The following PCNX1 variants were observed in gnomAD, a reference collection of about 807,000 sequenced individuals.
PCNX1 encodes pecanex 1, also known as pecanex-like protein 1.
A neutral mutation model predicts 242.2 loss-of-function variants in PCNX1; 78 were observed. That is an observed-to-expected ratio of 0.32 (90% confidence interval 0.27 to 0.39). The LOEUF (loss-of-function observed/expected upper bound fraction) is 0.39. Among genes scored for constraint, PCNX1 ranks in the 10% least tolerant of loss-of-function variants. The probability of loss-of-function intolerance (pLI) is 1.00; values close to 1 mark genes in which losing one functional copy is unlikely to be tolerated. For synonymous variants in PCNX1, 1,024 were observed against 1,032.9 expected (o/e 0.99, Z 0.17); for missense variants, 2,581 against 2,856.5 (o/e 0.90, Z 2.20).
chr14:71,016,962 A>ATC (rs2059975986), intron 11 of PCNX1, among the ~76,000 whole-genome samples: 1 of 152,208 alleles, frequency 6.6e-6, no homozygotes, highest in Non-Finnish European at 1.5e-5. Context: ...CAAATAGCTA[A>ATC]AGGCTAAACC....
In PCNX1 at chr14:70,908,012, G is replaced by T. The variant is rs1257863208; in HGVS notation, c.153+9G>T. ...CCTTCACCCTCTACATGGTGAGTGTGGGGGCGGGGAGCGGGTGGCTCCTTC... is the reference window on the plus strand; with the variant it reads ...CCTTCACCCTCTACATGGTGAGTGTTGGGGCGGGGAGCGGGTGGCTCCTTC... On this transcript the variant is annotated intron_variant, in intron 1 of 35. Coordinates refer to ENST00000304743, the MANE Select transcript of PCNX1 (RefSeq NM_014982.3). 2 of 1,569,538 alleles carry T rather than the reference G, an allele frequency of 1.3e-6. No homozygotes were observed. The highest frequency in any genetic ancestry group is 1.7e-6 in the Non-Finnish European group (2 of 1,161,148).
In PCNX1 at chr14:71,108,638, C is replaced by T; in HGVS notation, c.6336C>T (p.Gly2112=). The change falls in exon 34 of 36, where the codon GGC becomes GGT. Residue 2112 remains glycine (G), a synonymous_variant. Coordinates refer to ENST00000304743, the MANE Select transcript of PCNX1 (RefSeq NM_014982.3). ...TSHSSHSVQS[G]LVRQSPARAS... ...ACAGCTCTCACTCTGTGCAGTCGGG[C>T]CTGGTCAGACAGTCTCCTGCCCGGG... 3 of 1,613,796 alleles carry T rather than the reference C, an allele frequency of 1.9e-6. No homozygotes were observed. Among genetic ancestry groups the T allele is most frequent in the Non-Finnish European group, 2.5e-6 (3 of 1,179,822 alleles).
chr14:70,979,414 G>C (rs555076270), intron 6 of PCNX1, among the ~76,000 whole-genome samples: 1 of 151,978 alleles, frequency 6.6e-6, no homozygotes, highest in Admixed American at 6.5e-5. Context: ...AGTGTGTGTT[G>C]GCCTCTTTAT....
chr14:71,078,748 A>G (rs2061777770), intron 28 of PCNX1: 2 of 152,210 alleles, frequency 1.3e-5, no homozygotes, highest in South Asian at 4.1e-4. Flanking sequence ...TGGTAGGTAC[A>G]ATATAATATC....
In PCNX1 at chr14:71,073,586, G is replaced by A; in HGVS notation, c.4894G>A (p.Gly1632Ser). The A allele has an allele frequency of 6.2e-7, 1 of 1,613,676 alleles. No homozygotes were observed. Among genetic ancestry groups the A allele is most frequent in the Non-Finnish European group, 8.5e-7 (1 of 1,179,722 alleles). Reference protein sequence around the residue: ...QQREVEAITEGVEEDEGFCCC... With the variant: ...QQREVEAITESVEEDEGFCCC... ...ACGGGAAGTGGAGGCCATTACTGAA[G>A]GTGTAGAGGAAGATGAAGGATTTTG... Residue 1632 changes from glycine (G) to serine (S), a missense_variant, in exon 27 of 36, where the codon GGT (glycine) becomes AGT (serine). Physicochemically the swap from Gly to Ser is moderately conservative, Grantham distance 56 (BLOSUM62 0). Transcript: ENST00000304743.
chr14:71,109,397 A>G (rs1430772156), intron 34 of PCNX1, 55 bp from the exon 35 acceptor site: 2 of 1,488,570 alleles, frequency 1.3e-6, no homozygotes, highest in Non-Finnish European at 1.8e-6. Context: ...GAGATTACAT[A>G]ATTTTTCATC....
At chr14:70,914,772 A>C (rs911111232) in intron 1 of PCNX1, among the ~76,000 whole-genome samples, 13 of 152,270 alleles carry the variant, frequency 8.5e-5, no homozygotes, top group Non-Finnish European at 1.6e-4. Flanking sequence ...CTTCTATACA[A>C]ATCACCCCTA....
chr14:71,038,828 T>C (rs1022570506), intron 19 of PCNX1, among the ~76,000 whole-genome samples: 1 of 151,512 alleles, frequency 6.6e-6, no homozygotes, highest in African/African-American at 2.4e-5. Context: ...AACCCAAATG[T>C]CCAACAATGA....
At chr14:71,032,468 A>G (rs1430393616) in intron 16 of PCNX1, among the ~76,000 whole-genome samples, 1 of 152,140 alleles carries the variant, frequency 6.6e-6, no homozygotes, top group African/African-American at 2.4e-5. Context: ...TTATTGTAAA[A>G]ATTATTTGGG....
intron 1 of PCNX1, among the ~76,000 whole-genome samples, chr14:70,922,547 A>G (rs952380730): frequency 2.6e-5 from 4 of 152,166 alleles, no homozygotes; most frequent in Non-Finnish European, 5.9e-5. Context: ...ACCAGTTCAC[A>G]TGCCTCAGAG....
At chr14:70,925,592 T>A (rs1286789128) in intron 1 of PCNX1, among the ~76,000 whole-genome samples, 1 of 146,112 alleles carries the variant, frequency 6.8e-6, no homozygotes, top group Non-Finnish European at 1.5e-5. Flanking sequence ...TTTTTTTTCA[T>A]GTAGCTCATC....
chr14:71,012,560 A>T (rs368743083), intron 10 of PCNX1: 1 of 220,334 alleles, frequency 4.5e-6, no homozygotes, highest in Non-Finnish European at 9.1e-6. Flanking sequence ...GGCTGGGCGC[A>T]GTGGCTCCTG....
intron 30 of PCNX1, chr14:71,093,834 A>G (rs546854186): frequency 6.6e-6 from 1 of 152,314 alleles, no homozygotes; most frequent in Non-Finnish European, 1.5e-5. Context: ...ATCCACTTCT[A>G]CTTAATGAAC....
intron 1 of PCNX1, among the ~76,000 whole-genome samples, chr14:70,925,405 A>G (rs796135398): frequency 2.0e-5 from 3 of 152,142 alleles, no homozygotes; most frequent in Non-Finnish European, 4.4e-5. Context: ...TGGGAATTCT[A>G]GTGTTTTACT....
intron 8 of PCNX1, among the ~76,000 whole-genome samples, chr14:71,003,538 G>A (rs574585796): frequency 2.6e-5 from 4 of 152,176 alleles, no homozygotes; most frequent in African/African-American, 7.2e-5. Context: ...CATCAATGTC[G>A]TTATTATAGA....
chr14:70,921,858 A>G (rs2810118), intron 1 of PCNX1, among the ~76,000 whole-genome samples: 73,694 of 151,980 alleles, frequency 0.48, 18,444 homozygotes, highest in Non-Finnish European at 0.55. Context: ...GTATGTTGCA[A>G]ACATTATGAC....
intron 1 of PCNX1, among the ~76,000 whole-genome samples, chr14:70,926,857 A>G (rs1459135579): frequency 6.6e-6 from 1 of 152,196 alleles, no homozygotes; most frequent in Non-Finnish European, 1.5e-5. Context: ...GAGCGTGATG[A>G]GGAAAAGAAT....
intron 7 of PCNX1, among the ~76,000 whole-genome samples, chr14:70,993,160 G>T (rs1442082282): frequency 5.1e-4 from 74 of 144,888 alleles, no homozygotes; most frequent in Admixed American, 1.7e-3. Flanking sequence ...TTGCTCTGTT[G>T]CCCAGGCTGG....
At chr14:70,949,268 T>C (rs1008612097) in intron 2 of PCNX1, among the ~76,000 whole-genome samples, 2 of 23,406 alleles carry the variant, frequency 8.5e-5, no homozygotes, top group East Asian at 5.1e-4. Context: ...CACACGTGTA[T>C]GCACACACGT....
Sources: allele counts gnomAD v4.1 joint callset (sites outside exome capture counted in the v4.1 genomes callset), GRCh38; gene constraint gnomAD v4.1.1; transcripts MANE v1.5; gene names NCBI Gene and HGNC (gene_info 2026-07-23, HGNC 2026-07-21).